Variants in PTPRN2 observed in about 807,000 individuals in gnomAD.
The protein encoded by PTPRN2 is protein tyrosine phosphatase receptor type N2.
PTPRN2 carries 74 observed loss-of-function variants against 118.8 expected under a neutral mutation model. The ratio of observed to expected loss-of-function variants is 0.62; its 90% CI spans 0.52 to 0.76. The LOEUF is 0.76. PTPRN2 is among the 30% of genes least tolerant of loss of function. The probability of loss-of-function intolerance (pLI) is 0.00; values close to 1 mark genes in which losing one functional copy is unlikely to be tolerated. For synonymous variants in PTPRN2, 641 were observed against 608.0 expected (o/e 1.05, Z -0.80); for missense variants, 1,481 against 1,394.4 (o/e 1.06, Z -0.99).
Position 158,146,948 on chromosome 7 carries a change from C to G in PTPRN2, c.911-8433G>C, listed in dbSNP as rs1223239601. Among the ~76,000 whole-genome samples, 279 of 147,646 alleles carry G rather than the reference C, an allele frequency of 1.9e-3. 15 individuals are homozygous for G. The highest frequency in any genetic ancestry group is 6.7e-3 in the African/African-American group (265 of 39,396). Reference sequence around the variant, plus strand: ...CCCATCTCACGCCACGTGTCTTTCCCCCTCAATGACACCCCATCTCACGCC... The same window carrying G: ...CCCATCTCACGCCACGTGTCTTTCCGCCTCAATGACACCCCATCTCACGCC... On this transcript the variant is annotated intron_variant, in intron 6 of 22. Transcript: ENST00000389418.
In PTPRN2 at chr7:157,590,754, C is replaced by T. The variant is rs1046815404; in HGVS notation, c.2496+4484G>A. Among the ~76,000 whole-genome samples, 8 of 152,234 alleles carry T rather than the reference C, an allele frequency of 5.3e-5. No homozygotes were observed. In the East Asian group the frequency reaches 7.8e-4, roughly 15 times the overall value. ...TCACCGAGGGGACTTCCCCTGAACCCGTCTTCCAGGCTCCCCCCTTCTGGA... is the reference window on the plus strand; with the variant it reads ...TCACCGAGGGGACTTCCCCTGAACCTGTCTTCCAGGCTCCCCCCTTCTGGA... On this transcript the variant is annotated intron_variant, in intron 17 of 22. Coordinates refer to ENST00000389418, the MANE Select transcript of PTPRN2 (RefSeq NM_002847.5). The surrounding 1 kb of genome is among the most constrained non-coding windows in gnomAD (Gnocchi z 4.0).
chr7:157,800,119 C>G lies in PTPRN2; in HGVS notation c.1788+98554G>C, dbSNP rs188340095. ...TCCCTGAGGCACCACAGGCGGCCTC[C>G]TCCATCCCTCAGAGGCACCACAGGC... On this transcript the variant is annotated intron_variant, in intron 12 of 22. Transcript: ENST00000389418. Among the ~76,000 whole-genome samples the G allele has an allele frequency of 1.3e-4, 19 of 150,726 alleles. No homozygotes were observed. The East Asian group carries it at 3.8e-3, about 30-fold the overall frequency.
intron 9 of PTPRN2, among the ~76,000 whole-genome samples, chr7:158,116,388 C>G (rs1157254432): frequency 6.6e-6 from 1 of 152,210 alleles, no homozygotes; most frequent in Non-Finnish European, 1.5e-5. Context: ...ACTCTGAAGC[C>G]TAATGAAGGC....
At chr7:157,613,661 C>G (rs1338558709) in intron 15 of PTPRN2, among the ~76,000 whole-genome samples, 1 of 152,222 alleles carries the variant, frequency 6.6e-6, no homozygotes, top group East Asian at 1.9e-4. Flanking sequence ...GCCTCCGTCT[C>G]CCACACGCAG....
Position 157,560,273 on chromosome 7 carries a change from C to G in PTPRN2, c.2902+8629G>C, listed in dbSNP as rs552618661. ...GGTGGGAGACCTGTGAGCTGGTACA[C>G]TCAGTGAGGACGGCTCCATGCACAG... On this transcript the variant is annotated intron_variant, in intron 21 of 22. Transcript: ENST00000389418. The surrounding 1 kb of genome is among the most constrained non-coding windows in gnomAD (Gnocchi z 6.7). Among the ~76,000 whole-genome samples, 1 of 152,248 alleles carries G rather than the reference C, an allele frequency of 6.6e-6. No individual in the cohort carries two copies. Among genetic ancestry groups the G allele is most frequent in the East Asian group, 1.9e-4 (1 of 5,176 alleles).
intron 2 of PTPRN2, among the ~76,000 whole-genome samples, chr7:158,349,902 C>A (rs1487457840): frequency 2.0e-5 from 3 of 152,092 alleles, no homozygotes; most frequent in Middle Eastern, 3.4e-3. Flanking sequence ...TCCCTGAGGG[C>A]CCCCCGGGCC....
At chr7:157,827,126 A>G (rs1232016644) in intron 12 of PTPRN2, among the ~76,000 whole-genome samples, 1 of 152,160 alleles carries the variant, frequency 6.6e-6, no homozygotes, top group African/African-American at 2.4e-5. Context: ...CAGACTGGCT[A>G]TGAGTTTTTC....
chr7:157,834,968 G>A (rs922504040), intron 12 of PTPRN2, among the ~76,000 whole-genome samples: 1 of 152,220 alleles, frequency 6.6e-6, no homozygotes, highest in African/African-American at 2.4e-5. Context: ...CATGTAGCCT[G>A]CTGTGGGTGG....
chr7:157,755,043 G>A (rs983050112), intron 12 of PTPRN2, among the ~76,000 whole-genome samples: 7 of 152,062 alleles, frequency 4.6e-5, no homozygotes, highest in African/African-American at 1.4e-4. Context: ...GCGCTGCCAC[G>A]CCCGGCTAAT....
chr7:158,203,203 G>A (rs2150739341), intron 4 of PTPRN2, among the ~76,000 whole-genome samples: 2 of 125,760 alleles, frequency 1.6e-5, no homozygotes, highest in South Asian at 5.3e-4. Context: ...CTGCACTCCG[G>A]CCTAGGTGAT....
Position 158,270,970 on chromosome 7 carries a change from GGACCA to G in PTPRN2, c.277+45844_277+45848del, listed in dbSNP as rs1798431869. ...CCCCACCTGGACCACCCCTCCACCT[GGACCA>G]CCCCCTCCACCTGGGCCTCCCCATC... On this transcript the variant is annotated intron_variant, in intron 3 of 22. Transcript: ENST00000389418. Among the ~76,000 whole-genome samples the G allele has an allele frequency of 3.8e-4, 29 of 75,618 alleles. 1 individual carries two copies. Among genetic ancestry groups the G allele is most frequent in the South Asian group, 9.8e-4 (2 of 2,038 alleles). The allele number at this position is 75,618 out of a possible 152,430, so 49.6% of individuals were successfully genotyped here.
chr7:157,726,931 G>A (rs1468049420), intron 12 of PTPRN2, among the ~76,000 whole-genome samples: 4 of 152,220 alleles, frequency 2.6e-5, no homozygotes, highest in African/African-American at 9.6e-5. Flanking sequence ...AATCATTGGG[G>A]AAGCATGATT....
At chr7:157,855,403 A>G (rs1809635926) in intron 12 of PTPRN2, among the ~76,000 whole-genome samples, 2 of 152,208 alleles carry the variant, frequency 1.3e-5, no homozygotes, top group Admixed American at 1.3e-4. Context: ...TTTCCAAACA[A>G]CAAACAAACC....
At chr7:157,563,503 G>A (rs530559284) in intron 21 of PTPRN2, among the ~76,000 whole-genome samples, 4 of 113,252 alleles carry the variant, frequency 3.5e-5, no homozygotes, top group African/African-American at 1.4e-4. Context: ...TCAGGACCAC[G>A]TGGTCCCGCA....
intron 2 of PTPRN2, among the ~76,000 whole-genome samples, chr7:158,334,492 C>T (rs1203264423): frequency 3.9e-5 from 4 of 103,598 alleles, no homozygotes; most frequent in East Asian, 6.1e-4. Flanking sequence ...ACACACGTCA[C>T]TCACACCCAC....
intron 12 of PTPRN2, among the ~76,000 whole-genome samples, chr7:157,829,589 C>T (rs190858397): frequency 5.7e-4 from 86 of 152,192 alleles, no homozygotes; most frequent in Non-Finnish European, 1.1e-3. Context: ...AAGCTGAGGA[C>T]GAGGATGTTG....
chr7:158,368,751 C>T (rs1301660192), intron 2 of PTPRN2, among the ~76,000 whole-genome samples: 1 of 152,206 alleles, frequency 6.6e-6, no homozygotes, highest in East Asian at 1.9e-4. Flanking sequence ...GCCCCACCAT[C>T]CTCGACCCCC....
chr7:157,782,253 A>C (rs990002588), intron 12 of PTPRN2, among the ~76,000 whole-genome samples: 3 of 152,240 alleles, frequency 2.0e-5, no homozygotes, highest in Non-Finnish European at 4.4e-5. Flanking sequence ...AATTCAGCTC[A>C]TGAGCTCAGC....
Position 158,578,493 on chromosome 7 carries a change from C to A in PTPRN2, c.112+9065G>T, listed in dbSNP as rs990848756. Among the ~76,000 whole-genome samples, 3 of 148,798 alleles carry A rather than the reference C, an allele frequency of 2.0e-5. No homozygotes were observed. The Admixed American group carries it at 2.0e-4, about 10-fold the overall frequency. On this transcript the variant is annotated intron_variant, in intron 1 of 22. Coordinates refer to ENST00000389418, the MANE Select transcript of PTPRN2 (RefSeq NM_002847.5). ...AGGGCTGCAGTGAACTATGACTATGCCACTGCACTCCAGTCTGGGCTACAG... is the reference window on the plus strand; with the variant it reads ...AGGGCTGCAGTGAACTATGACTATGACACTGCACTCCAGTCTGGGCTACAG...
Sources: allele counts gnomAD v4.1 joint callset (sites outside exome capture counted in the v4.1 genomes callset), GRCh38; gene constraint gnomAD v4.1.1; non-coding constraint Gnocchi (gnomAD v3.1); transcripts MANE v1.5; gene names NCBI Gene and HGNC (gene_info 2026-07-23, HGNC 2026-07-21).